SNTG1: variants seen among roughly 807,000 people sequenced by gnomAD.
The protein encoded by SNTG1 is syntrophin gamma 1.
Under a neutral mutation model 74.7 loss-of-function variants are expected in SNTG1, and 39 were observed. The observed-to-expected ratio is 0.52, with a 90% CI of 0.40 to 0.68. SNTG1 has a LOEUF of 0.68. SNTG1 is among the 30% of genes least tolerant of loss of function. The pLI is 0.00. For synonymous variants in SNTG1, 254 were observed against 217.1 expected, an observed-to-expected ratio of 1.17 and a Z score of -1.49; for missense variants, 685 against 609.5, an observed-to-expected ratio of 1.12 and a Z score of -1.30.
intron 13 of SNTG1, among the ~76,000 whole-genome samples, chr8:50,629,709 A>C (rs2094982978): frequency 6.6e-6 from 1 of 152,130 alleles, no homozygotes; most frequent in African/African-American, 2.4e-5. Context: ...CACCTCTGTA[A>C]GATTTACATA....
chr8:50,609,292 G>A (rs1357116701), intron 13 of SNTG1, among the ~76,000 whole-genome samples: 4 of 151,988 alleles, frequency 2.6e-5, no homozygotes, highest in African/African-American at 4.8e-5. Flanking sequence ...TGTTGCTTCT[G>A]AAGGATAGTT....
chr8:50,642,589 G>C (rs564478747), intron 13 of SNTG1, among the ~76,000 whole-genome samples: 114 of 152,146 alleles, frequency 7.5e-4, no homozygotes, highest in Non-Finnish European at 1.2e-3. Context: ...TTGTATTTCA[G>C]CCCTATCCTT....
chr8:50,433,481 T>TG (rs889395666), intron 4 of SNTG1, among the ~76,000 whole-genome samples: 2 of 117,942 alleles, frequency 1.7e-5, no homozygotes, highest in Non-Finnish European at 1.6e-5. Context: ...AGTTTTCTGT[T>TG]TTTTTTTTTT....
At chr8:50,463,235 C>T (rs982235101) in intron 8 of SNTG1, among the ~76,000 whole-genome samples, 1 of 152,080 alleles carries the variant, frequency 6.6e-6, no homozygotes, top group Non-Finnish European at 1.5e-5. Context: ...TTTCCAAACT[C>T]CTGTTAATGT....
Position 50,063,317 on chromosome 8 carries a change from G to A in SNTG1, c.-102-109244G>A, listed in dbSNP as rs760269852. On this transcript the variant is annotated intron_variant, in intron 1 of 18. Coordinates refer to ENST00000642720, the MANE Select transcript of SNTG1 (RefSeq NM_018967.5). ...TTTCCAGAGTATCAAGAATTCTCAC[G>A]TTTGCATCACCATGCATTTGTATAT... 1.0e-3 allele frequency among the ~76,000 whole-genome samples: 152 copies of A among 152,290 alleles called. 2 individuals carry two copies. The highest frequency in any genetic ancestry group is 1.4e-3 in the Non-Finnish European group (92 of 68,026).
intron 11 of SNTG1, among the ~76,000 whole-genome samples, chr8:50,549,443 C>T (rs940602953): frequency 1.3e-5 from 2 of 152,126 alleles, no homozygotes; most frequent in African/African-American, 4.8e-5. Flanking sequence ...CACAGGGCCA[C>T]TCTGTGAGAC....
intron 2 of SNTG1, among the ~76,000 whole-genome samples, chr8:50,321,385 A>T (rs1479698535): frequency 6.6e-6 from 1 of 152,074 alleles, no homozygotes; most frequent in Non-Finnish European, 1.5e-5. Flanking sequence ...TGCATGGAAC[A>T]TATTTTTCCA....
chr8:50,636,530 T>C (rs558446775), intron 13 of SNTG1, among the ~76,000 whole-genome samples: 25 of 152,274 alleles, frequency 1.6e-4, no homozygotes, highest in South Asian at 8.3e-4. Context: ...AGCTGAGTTC[T>C]ACTAATGTTG....
chr8:50,528,898 T>C (rs1243310577), intron 9 of SNTG1, among the ~76,000 whole-genome samples: 1 of 151,686 alleles, frequency 6.6e-6, no homozygotes. Context: ...TTCTCTTTTC[T>C]ATTTAATTTT....
At chr8:50,029,174 T>G (rs571494162) in intron 1 of SNTG1, among the ~76,000 whole-genome samples, 9 of 152,150 alleles carry the variant, frequency 5.9e-5, no homozygotes, top group Non-Finnish European at 1.0e-4. Flanking sequence ...TAAGAAGTCT[T>G]TTTACATTTG....
intron 18 of SNTG1, among the ~76,000 whole-genome samples, chr8:50,791,491 G>A (rs59570082): frequency 0.02 from 3,017 of 151,756 alleles, 96 homozygotes; most frequent in African/African-American, 0.065. Flanking sequence ...TCGTACTCCT[G>A]TTGCATGACC....
At chr8:50,763,901 ACAC>A (rs2095606645) in intron 18 of SNTG1, among the ~76,000 whole-genome samples, 35 of 119,940 alleles carry the variant, frequency 2.9e-4, no homozygotes, top group East Asian at 1.5e-3. Context: ...ACACACACAC[ACAC>A]ACAAAAATAA....
intron 18 of SNTG1, among the ~76,000 whole-genome samples, chr8:50,776,506 ATAT>A (rs1233494241): frequency 6.8e-6 from 1 of 147,796 alleles, no homozygotes; most frequent in Non-Finnish European, 1.5e-5. Flanking sequence ...ATATATAGAT[ATAT>A]TATGTCTTAT....
chr8:50,215,887 G>A (rs2084769020), intron 2 of SNTG1, among the ~76,000 whole-genome samples: 1 of 152,128 alleles, frequency 6.6e-6, no homozygotes, highest in Non-Finnish European at 1.5e-5. Flanking sequence ...GTAATATGCA[G>A]TTTAATTGCA....
chr8:50,577,850 A>C (rs768580893), intron 12 of SNTG1, among the ~76,000 whole-genome samples: 1 of 152,210 alleles, frequency 6.6e-6, no homozygotes, highest in Non-Finnish European at 1.5e-5. Flanking sequence ...TATACAAAGA[A>C]AGAGGTTAAA....
chr8:49,988,328 A>C (rs572850806), intron 1 of SNTG1, among the ~76,000 whole-genome samples: 2 of 152,206 alleles, frequency 1.3e-5, no homozygotes, highest in Non-Finnish European at 2.9e-5. Flanking sequence ...AGTAACTTCT[A>C]GATGCCAGAT....
chr8:50,549,253 A>C (rs1193686495), intron 11 of SNTG1, among the ~76,000 whole-genome samples: 1 of 149,982 alleles, frequency 6.7e-6, no homozygotes, highest in African/African-American at 2.4e-5. Flanking sequence ...AAGGTAGTGC[A>C]CACAGGGAAG....
At chr8:50,228,989 T>G (rs2085479356) in intron 2 of SNTG1, among the ~76,000 whole-genome samples, 1 of 151,712 alleles carries the variant, frequency 6.6e-6, no homozygotes, top group East Asian at 1.9e-4. Context: ...TTCAATGTCA[T>G]AAGAGGTGAG....
intron 9 of SNTG1, among the ~76,000 whole-genome samples, chr8:50,514,812 G>A (rs958356559): frequency 1.3e-5 from 2 of 152,088 alleles, no homozygotes; most frequent in African/African-American, 4.8e-5. Context: ...TAAATTAGTA[G>A]CAGTTGAGGA....
Sources: allele counts gnomAD v4.1 joint callset (sites outside exome capture counted in the v4.1 genomes callset), GRCh38; gene constraint gnomAD v4.1.1; transcripts MANE v1.5; gene names NCBI Gene and HGNC (gene_info 2026-07-23, HGNC 2026-07-21).